The following ADGB variants were observed in gnomAD, a reference collection of about 807,000 sequenced individuals.
ADGB encodes androglobin.
Under a neutral mutation model 210.5 loss-of-function variants are expected in ADGB, and 172 were observed. The observed-to-expected ratio is 0.82, with a 90% CI of 0.72 to 0.93. The LOEUF (loss-of-function observed/expected upper bound fraction) is 0.93, where lower values mean the gene tolerates loss of function less well. Ranked by LOEUF, ADGB falls within the 40% of genes least tolerant of loss-of-function variation. The probability of loss-of-function intolerance (pLI) is 0.00; values close to 1 mark genes in which losing one functional copy is unlikely to be tolerated. For synonymous variants in ADGB, 658 were observed against 662.7 expected, an observed-to-expected ratio of 0.99 and a Z score of 0.11; for missense variants, 2,025 against 1,964.8, an observed-to-expected ratio of 1.03 and a Z score of -0.58.
Position 146,644,864 on chromosome 6 carries a change from A to G in ADGB, c.329A>G (p.Gln110Arg). 2 of 1,457,450 alleles carry G rather than the reference A, an allele frequency of 1.4e-6. No homozygotes were observed. Among genetic ancestry groups the G allele is most frequent in the Non-Finnish European group, 1.8e-6 (2 of 1,099,928 alleles). The allele number at this position is 1,457,450 out of a possible 1,614,324, so 90.3% of individuals were successfully genotyped here. Residue 110 changes from glutamine (Q) to arginine (R), a missense_variant and splice_region_variant, in exon 3 of 36, where the codon CAG becomes CGG. Physicochemically the swap from Gln to Arg is conservative, Grantham distance 43. Transcript: ENST00000397944. The part of the protein sequence containing the change: ...WKRPQDILFS[Q>R]TPVVVKNEIT... ...CGTCCACAAGATATTTTATTTAGTC[A>G]GGTAAGAAAGTTTTTTCTATTAAAT...
chr6:146,759,122 C>G (rs936958596), intron 27 of ADGB, among the ~76,000 whole-genome samples: 2 of 151,834 alleles, frequency 1.3e-5, no homozygotes, highest in African/African-American at 4.8e-5. Flanking sequence ...TGCAAAAAAT[C>G]TGTGTGTGTG....
chr6:146,796,240 G>A (rs1046048554), intron 33 of ADGB, among the ~76,000 whole-genome samples: 6 of 152,162 alleles, frequency 3.9e-5, no homozygotes, highest in Non-Finnish European at 8.8e-5. Context: ...TGGATGGGTA[G>A]AATCAATATT....
At chr6:146,631,978 A>C (rs200770799) in intron 1 of ADGB, among the ~76,000 whole-genome samples, 4 of 149,816 alleles carry the variant, frequency 2.7e-5, no homozygotes, top group South Asian at 2.1e-4. Flanking sequence ...AAAAAAAAAA[A>C]CAAAAAAAAC....
chr6:146,715,817 C>T (rs906506538), intron 14 of ADGB, among the ~76,000 whole-genome samples: 2 of 152,112 alleles, frequency 1.3e-5, no homozygotes, highest in African/African-American at 2.4e-5. Flanking sequence ...CGCATGTAAT[C>T]TCAGCACTTT....
intron 2 of ADGB, among the ~76,000 whole-genome samples, chr6:146,644,112 A>G (rs997695082): frequency 4.6e-5 from 7 of 151,812 alleles, no homozygotes; most frequent in Non-Finnish European, 1.0e-4. Context: ...ACTTGTGGTA[A>G]TAAAACTGTT....
At chr6:146,789,015 A>G (rs1031898173) in intron 33 of ADGB, among the ~76,000 whole-genome samples, 1 of 152,334 alleles carries the variant, frequency 6.6e-6, no homozygotes, top group South Asian at 2.1e-4. Context: ...CATTTTTTAA[A>G]TGTTGAAAAA....
chr6:146,673,410 G>A (rs1236774224), intron 8 of ADGB, among the ~76,000 whole-genome samples: 4 of 152,128 alleles, frequency 2.6e-5, no homozygotes, highest in Admixed American at 1.3e-4. Flanking sequence ...GGGCCTCTGA[G>A]GCTCCTGCTT....
intron 13 of ADGB, among the ~76,000 whole-genome samples, chr6:146,705,589 G>T (rs1218563577): frequency 1.3e-5 from 2 of 152,046 alleles, no homozygotes; most frequent in African/African-American, 4.8e-5. Flanking sequence ...TTGTAGATTT[G>T]CATATGTCAA....
chr6:146,799,152 TA>T (rs1778087319), intron 33 of ADGB, among the ~76,000 whole-genome samples: 1 of 149,984 alleles, frequency 6.7e-6, no homozygotes, highest in South Asian at 2.1e-4. Flanking sequence ...ATAAAGACTC[TA>T]CAAAAAAACC....
At chr6:146,737,869 A>C (rs1339478195) in intron 23 of ADGB, among the ~76,000 whole-genome samples, 1 of 152,162 alleles carries the variant, frequency 6.6e-6, no homozygotes, top group Non-Finnish European at 1.5e-5. Context: ...AGCCAAGACC[A>C]TTTCATGGAA....
intron 26 of ADGB, among the ~76,000 whole-genome samples, chr6:146,751,652 A>T (rs1441500455): frequency 6.6e-6 from 1 of 151,970 alleles, no homozygotes; most frequent in East Asian, 1.9e-4. Flanking sequence ...TCGTTTCCTG[A>T]CCTTAATAAT....
chr6:146,628,731 G>C (rs919496751), intron 1 of ADGB, among the ~76,000 whole-genome samples: 2 of 151,604 alleles, frequency 1.3e-5, no homozygotes, highest in African/African-American at 4.8e-5. Flanking sequence ...TATCCTTCGA[G>C]GCATGTCAGA....
chr6:146,600,670 AT>A (rs1323843786), intron 1 of ADGB, among the ~76,000 whole-genome samples: 1 of 151,322 alleles, frequency 6.6e-6, no homozygotes, highest in Admixed American at 6.6e-5. Flanking sequence ...ATTGACTTTT[AT>A]TTTTTTGCTC....
chr6:146,675,784 A>C (rs1031312001), intron 8 of ADGB, among the ~76,000 whole-genome samples: 4 of 152,212 alleles, frequency 2.6e-5, no homozygotes, highest in African/African-American at 7.2e-5. Flanking sequence ...CGTTCTGGAT[A>C]CAAGAGTTTT....
chr6:146,669,030 A>G (rs1404820596), intron 7 of ADGB, among the ~76,000 whole-genome samples: 2 of 152,112 alleles, frequency 1.3e-5, no homozygotes, highest in Non-Finnish European at 2.9e-5. Flanking sequence ...ATAGTGCAGC[A>G]TATTTTATGT....
intron 1 of ADGB, among the ~76,000 whole-genome samples, chr6:146,613,926 T>C (rs918969512): frequency 6.6e-6 from 1 of 151,954 alleles, no homozygotes; most frequent in Admixed American, 6.6e-5. Context: ...AATTTTATTA[T>C]GTATAAAGAC....
intron 23 of ADGB, 80 bp from the exon 24 acceptor site, chr6:146,740,379 T>C: frequency 8.0e-7 from 1 of 1,248,170 alleles, no homozygotes; most frequent in Non-Finnish European, 1.1e-6. Flanking sequence ...ATACTATTTT[T>C]TGTCATTTCT....
intron 27 of ADGB, 62 bp from the exon 28 acceptor site, chr6:146,763,839 T>A: frequency 1.5e-6 from 2 of 1,343,258 alleles, no homozygotes; most frequent in Non-Finnish European, 2.0e-6. Flanking sequence ...GTAACTGATT[T>A]AGTCAGTAAT....
chr6:146,674,048 C>T (rs193004689), intron 8 of ADGB, among the ~76,000 whole-genome samples: 3 of 152,180 alleles, frequency 2.0e-5, no homozygotes, highest in Non-Finnish European at 4.4e-5. Context: ...ATTTTGTCAT[C>T]GGGGCCAAAG....
Sources: gnomAD v4.1 joint callset for allele counts (sites outside exome capture counted in the v4.1 genomes callset) on GRCh38, gnomAD v4.1.1 for gene constraint, MANE v1.5 for transcripts, NCBI Gene and HGNC (gene_info 2026-07-23, HGNC 2026-07-21) for gene names.